Variants in RORA observed in about 807,000 individuals in gnomAD.
The protein encoded by RORA is RAR related orphan receptor A.
Under a neutral mutation model 69.5 loss-of-function variants are expected in RORA, and 7 were observed. The ratio of observed to expected loss-of-function variants is 0.10; its 90% confidence interval spans 0.06 to 0.19. The LOEUF (loss-of-function observed/expected upper bound fraction) is 0.19. Ranked by LOEUF, RORA falls within the 10% of genes least tolerant of loss-of-function variation. The pLI is 1.00. For missense variants in RORA, 457 were observed against 663.0 expected, an observed-to-expected ratio of 0.69 and a Z score of 3.41; for synonymous variants, 261 against 240.8, an observed-to-expected ratio of 1.08 and a Z score of -0.78.
rs569208517 is a variant in RORA at position 60,908,454 on chromosome 15, G to A, written c.167-229768C>T. ...TTTAGAAATAGAAGGCACCTCTGGAGAGACAGGATAATACCAAATTTTCAA... is the reference window on the plus strand; with the variant it reads ...TTTAGAAATAGAAGGCACCTCTGGAAAGACAGGATAATACCAAATTTTCAA... On this transcript the variant is annotated intron_variant, in intron 1 of 10. Transcript: ENST00000335670. Among the ~76,000 whole-genome samples the A allele has an allele frequency of 3.3e-5, 5 of 152,276 alleles. No homozygotes were observed. The South Asian group carries it at 1.0e-3, about 32-fold the overall frequency.
intron 5 of RORA, among the ~76,000 whole-genome samples, chr15:60,506,106 C>T (rs2065492255): frequency 6.6e-6 from 1 of 152,170 alleles, no homozygotes; most frequent in Non-Finnish European, 1.5e-5. Context: ...GCAGAACAAG[C>T]ATTACTGAGG....
chr15:61,228,635 A>T (rs2080170982), intron 1 of RORA, among the ~76,000 whole-genome samples: 2 of 151,696 alleles, frequency 1.3e-5, no homozygotes, highest in African/African-American at 4.8e-5. Flanking sequence ...GAGGGTGGCC[A>T]TAAACAGATT....
intron 1 of RORA, among the ~76,000 whole-genome samples, chr15:61,172,956 T>C (rs1377365092): frequency 6.6e-6 from 1 of 152,216 alleles, no homozygotes; most frequent in Non-Finnish European, 1.5e-5. Flanking sequence ...TACTATTTCC[T>C]GAGTTTTGCT....
intron 1 of RORA, among the ~76,000 whole-genome samples, chr15:61,140,846 T>G (rs1399314423): frequency 6.6e-6 from 1 of 152,166 alleles, no homozygotes; most frequent in Non-Finnish European, 1.5e-5. Context: ...TTTAGTCTTG[T>G]GTTGACGTGT....
intron 1 of RORA, among the ~76,000 whole-genome samples, chr15:60,838,867 CACACACACACACACACACACAT>C (rs2073155591): frequency 3.5e-5 from 3 of 85,268 alleles, no homozygotes; most frequent in Non-Finnish European, 9.2e-5. Context: ...CACACACACA[CACACACACACACACACACACAT>C]ATACTTTTTT....
chr15:60,895,976 C>A (rs955969824), intron 1 of RORA, among the ~76,000 whole-genome samples: 7 of 152,196 alleles, frequency 4.6e-5, no homozygotes, highest in African/African-American at 1.7e-4. Flanking sequence ...TCAATGGCAG[C>A]CTTCTAGGGG....
intron 1 of RORA, among the ~76,000 whole-genome samples, chr15:60,817,192 G>C (rs919898777): frequency 2.0e-5 from 3 of 152,078 alleles, no homozygotes; most frequent in African/African-American, 7.2e-5. Context: ...AGAGATTGTG[G>C]GTTCGGTCTC....
At chr15:60,539,628 T>G (rs925623119) in intron 2 of RORA, among the ~76,000 whole-genome samples, 22 of 152,192 alleles carry the variant, frequency 1.4e-4, no homozygotes, top group Admixed American at 6.5e-5. Context: ...AGAATAAGCT[T>G]CCTAATACTT....
chr15:60,583,807 A>T (rs779026742), intron 2 of RORA, among the ~76,000 whole-genome samples: 4 of 152,222 alleles, frequency 2.6e-5, no homozygotes, highest in Non-Finnish European at 5.9e-5. Context: ...ACTAAAGAGA[A>T]GTGAATGGTT....
At chr15:61,228,608 AAAAGGT>A (rs1401646182) in intron 1 of RORA, among the ~76,000 whole-genome samples, 1 of 149,590 alleles carries the variant, frequency 6.7e-6, no homozygotes, top group African/African-American at 2.5e-5. Flanking sequence ...TCAAGAGGAG[AAAAGGT>A]AAAGCGGAAG....
At chr15:60,977,718 A>G (rs945010251) in intron 1 of RORA, among the ~76,000 whole-genome samples, 3 of 152,168 alleles carry the variant, frequency 2.0e-5, no homozygotes, top group Non-Finnish European at 4.4e-5. Flanking sequence ...TGTATGTGTC[A>G]TTTCATGTCT....
intron 2 of RORA, among the ~76,000 whole-genome samples, chr15:60,590,922 A>T (rs1312634588): frequency 6.6e-6 from 1 of 152,356 alleles, no homozygotes; most frequent in South Asian, 2.1e-4. Flanking sequence ...GAAAGATTTC[A>T]TCTCAAGCAG....
chr15:61,024,068 C>A (rs983468656), intron 1 of RORA, among the ~76,000 whole-genome samples: 1 of 151,948 alleles, frequency 6.6e-6, no homozygotes, highest in East Asian at 1.9e-4. Context: ...ATAAAGGCCA[C>A]GGCATACTTC....
chr15:61,185,305 C>T (rs1406433122), intron 1 of RORA, among the ~76,000 whole-genome samples: 2 of 152,044 alleles, frequency 1.3e-5, no homozygotes, highest in African/African-American at 2.4e-5. Context: ...ACCTGTTGAT[C>T]CCATCTTTTT....
chr15:60,923,174 C>G (rs538158290), intron 1 of RORA, among the ~76,000 whole-genome samples: 1 of 152,274 alleles, frequency 6.6e-6, no homozygotes, highest in Non-Finnish European at 1.5e-5. Flanking sequence ...TGAACAAAGG[C>G]CGGATCACAT....
At chr15:61,011,682 T>C (rs1010741410) in intron 1 of RORA, among the ~76,000 whole-genome samples, 3 of 152,222 alleles carry the variant, frequency 2.0e-5, no homozygotes, top group African/African-American at 4.8e-5. Flanking sequence ...ACTGAATTAC[T>C]CTAGGCATTG....
intron 1 of RORA, among the ~76,000 whole-genome samples, chr15:61,133,144 C>CAA (rs1015621554): frequency 7.0e-6 from 1 of 143,254 alleles, no homozygotes; most frequent in Non-Finnish European, 1.5e-5. Context: ...ATCCCCCCAC[C>CAA]AAAAAAAAAA....
At chr15:60,575,233 C>T (rs1334346806) in intron 2 of RORA, among the ~76,000 whole-genome samples, 1 of 152,176 alleles carries the variant, frequency 6.6e-6, no homozygotes, top group African/African-American at 2.4e-5. Flanking sequence ...GTCACCACAT[C>T]GTCTGATTCA....
intron 1 of RORA, among the ~76,000 whole-genome samples, chr15:60,860,945 C>T (rs2073430590): frequency 6.6e-6 from 1 of 152,146 alleles, no homozygotes. Context: ...CCTTAAGGCC[C>T]CTGTGTCCCA....
Sources: gnomAD v4.1 joint callset for allele counts (sites outside exome capture counted in the v4.1 genomes callset) on GRCh38, gnomAD v4.1.1 for gene constraint, MANE v1.5 for transcripts, NCBI Gene and HGNC (gene_info 2026-07-23, HGNC 2026-07-21) for gene names.